The following PPP1R13B variants were observed in gnomAD, a reference collection of about 807,000 sequenced individuals.
The protein encoded by PPP1R13B is protein phosphatase 1 regulatory subunit 13B.
A neutral mutation model predicts 119.8 loss-of-function variants in PPP1R13B; 44 were observed. That is an observed-to-expected ratio of 0.37 (90% CI 0.29 to 0.47). PPP1R13B has a LOEUF of 0.47. PPP1R13B is among the 20% of genes least tolerant of loss of function. The probability of loss-of-function intolerance (pLI) is 0.99; values close to 1 mark genes in which losing one functional copy is unlikely to be tolerated. For synonymous variants in PPP1R13B, 542 were observed against 561.5 expected (o/e 0.97, Z 0.49); for missense variants, 1,227 against 1,413.5 (o/e 0.87, Z 2.12).
chr14:103,743,599 C>G (rs1006597045), intron 9 of PPP1R13B, among the ~76,000 whole-genome samples: 1 of 152,198 alleles, frequency 6.6e-6, no homozygotes, highest in Non-Finnish European at 1.5e-5. Context: ...CTAAAGTGTT[C>G]AACGCTTCCA....
At chr14:103,814,800 C>G (rs1289011030) in intron 1 of PPP1R13B, among the ~76,000 whole-genome samples, 2 of 151,960 alleles carry the variant, frequency 1.3e-5, no homozygotes, top group Non-Finnish European at 2.9e-5. Context: ...AAAAAATTAG[C>G]CGGGCATGGT....
At position 103,746,475 on chromosome 14, in the gene PPP1R13B, T is replaced by C. The variant is rs371901884; in HGVS notation, c.1048A>G (p.Ile350Val). The change falls in exon 9 of 17, where the codon ATC (isoleucine) becomes GTC (valine). Residue 350 changes from isoleucine (I) to valine (V), a missense_variant. Transcript: ENST00000202556. ...SGRVAAVGPY[I>V]QVPSAGSFPV... is the part of the protein sequence containing the mutation. Reference sequence around the variant, plus strand: ...AAGCTTCCGGCACTGGGAACCTGGATATAAGGCCCCACAGCAGCGACCCTG... The same window carrying C: ...AAGCTTCCGGCACTGGGAACCTGGACATAAGGCCCCACAGCAGCGACCCTG... The C allele has an allele frequency of 5.6e-6, 9 of 1,614,044 alleles. No individual in the cohort carries two copies. Among genetic ancestry groups the C allele is most frequent in the Non-Finnish European group, 7.6e-6 (9 of 1,179,936 alleles).
chr14:103,832,707 C>T (rs1195962853), intron 1 of PPP1R13B, among the ~76,000 whole-genome samples: 2 of 152,274 alleles, frequency 1.3e-5, no homozygotes, highest in East Asian at 3.9e-4. Context: ...GCCTATAATC[C>T]CAGCATCCCA....
At chr14:103,807,411 C>T (rs190670555) in intron 1 of PPP1R13B, among the ~76,000 whole-genome samples, 2 of 152,354 alleles carry the variant, frequency 1.3e-5, no homozygotes, top group East Asian at 3.9e-4. Flanking sequence ...AGCAGAGTTT[C>T]AGTTAATTAC....
chr14:103,747,654 C>T (rs2084420387), intron 8 of PPP1R13B, among the ~76,000 whole-genome samples: 1 of 152,094 alleles, frequency 6.6e-6, no homozygotes, highest in Admixed American at 6.6e-5. Flanking sequence ...TCTTTTATCC[C>T]TCACTCCCTT....
In PPP1R13B at chr14:103,753,151, T is replaced by C; in HGVS notation, c.677A>G (p.Gln226Arg). ...RFSAMFQEKKQEVQTAILRVD... is the reference protein window; with the variant it reads ...RFSAMFQEKKREVQTAILRVD... The stretch of plus-strand genomic sequence containing the variant: ...CCTTAAAATTGCAGTCTGTACTTCC[T>C]GCTTCTTTTCCTGGAACATGGCACT... The change falls in exon 7 of 17, where the codon CAG becomes CGG. Residue 226 changes from glutamine to arginine, a missense_variant. Coordinates refer to ENST00000202556, the MANE Select transcript of PPP1R13B (RefSeq NM_015316.3). 2 of 1,613,378 alleles carry C rather than the reference T, an allele frequency of 1.2e-6. No homozygotes were observed. Among genetic ancestry groups the C allele is most frequent in the Non-Finnish European group, 1.7e-6 (2 of 1,180,040 alleles).
chr14:103,803,621 C>T (rs957953830), intron 1 of PPP1R13B, among the ~76,000 whole-genome samples: 2 of 151,964 alleles, frequency 1.3e-5, no homozygotes, highest in Non-Finnish European at 2.9e-5. Context: ...CCAGCCTGGG[C>T]AACAGAGCGA....
intron 2 of PPP1R13B, among the ~76,000 whole-genome samples, chr14:103,796,056 C>T (rs1303991589): frequency 6.6e-6 from 1 of 152,102 alleles, no homozygotes; most frequent in Non-Finnish European, 1.5e-5. Context: ...CTTTGGGAGG[C>T]CCAGGCAGGT....
chr14:103,741,643 C>T (rs2084260250), intron 11 of PPP1R13B, 147 bp downstream of exon 11: 14 of 1,071,458 alleles, frequency 1.3e-5, no homozygotes, highest in Admixed American at 5.4e-5. Context: ...CCTTCTCACA[C>T]TGACACCCAA....
chr14:103,749,747 G>T, intron 8 of PPP1R13B, 47 bp downstream of exon 8: 2 of 1,586,054 alleles, frequency 1.3e-6, no homozygotes, highest in South Asian at 1.1e-5. Flanking sequence ...GCAATGCTTG[G>T]ATAAACTATC....
At chr14:103,831,919 G>C (rs1211724659) in intron 1 of PPP1R13B, among the ~76,000 whole-genome samples, 1 of 151,718 alleles carries the variant, frequency 6.6e-6, no homozygotes, top group Non-Finnish European at 1.5e-5. Context: ...CTGGGTGACA[G>C]AGCAAGAATC....
At position 103,740,093 on chromosome 14, in the gene PPP1R13B, C is replaced by T. The variant is rs1166172863; in HGVS notation, c.2323G>A (p.Ala775Thr). 2.5e-6 allele frequency: 4 copies of T among 1,613,642 alleles called. No individual in the cohort carries two copies. In the East Asian group the frequency reaches 6.7e-5, roughly 27 times the overall value. ...GCGGGGAGTGGGGCTGTGGGCTGGG[C>T]AGGGGGGAGCTCTTCCAGGTTTCCA... ...ANGNLEELPP[A>T]QPTAPLPAEP... Residue 775 changes from alanine (A) to threonine (T), a missense_variant, in exon 12 of 17, where the codon GCC becomes ACC. Physicochemically the swap from Ala to Thr is moderately conservative, Grantham distance 58 (BLOSUM62 0). Coordinates refer to ENST00000202556, the MANE Select transcript of PPP1R13B (RefSeq NM_015316.3). The surrounding 1 kb of genome is among the most constrained non-coding windows in gnomAD (Gnocchi z 4.6).
At chr14:103,762,483 G>C (rs1038988600) in intron 4 of PPP1R13B, among the ~76,000 whole-genome samples, 1 of 150,838 alleles carries the variant, frequency 6.6e-6, no homozygotes, top group African/African-American at 2.4e-5. Context: ...AGCATTAGGA[G>C]ATACACCTAA....
chr14:103,839,317 T>C (rs1293512881), intron 1 of PPP1R13B, among the ~76,000 whole-genome samples: 1 of 151,908 alleles, frequency 6.6e-6, no homozygotes, highest in Non-Finnish European at 1.5e-5. Flanking sequence ...CAGCCCACTG[T>C]GTTTCATTTC....
chr14:103,769,622 C>T (rs932129352), intron 4 of PPP1R13B, among the ~76,000 whole-genome samples: 1 of 152,208 alleles, frequency 6.6e-6, no homozygotes, highest in Non-Finnish European at 1.5e-5. Flanking sequence ...TAATGCAAAA[C>T]TCTAGCAAAA....
intron 1 of PPP1R13B, among the ~76,000 whole-genome samples, chr14:103,842,673 T>A (rs2086937411): frequency 6.6e-6 from 1 of 151,806 alleles, no homozygotes; most frequent in South Asian, 2.1e-4. Flanking sequence ...CGATACTCTT[T>A]TGGAAAAGAA....
chr14:103,805,531 A>G (rs1384422184), intron 1 of PPP1R13B, among the ~76,000 whole-genome samples: 2 of 152,010 alleles, frequency 1.3e-5, no homozygotes, highest in Non-Finnish European at 2.9e-5. Flanking sequence ...TGATCATGCC[A>G]CTGCACTCCA....
At chr14:103,846,670 C>G in intron 1 of PPP1R13B, 1 of 450,382 alleles carries the variant, frequency 2.2e-6, no homozygotes. Context: ...CAATGTCTTT[C>G]TAGGCGAAAG....
intron 1 of PPP1R13B, among the ~76,000 whole-genome samples, chr14:103,819,945 C>CTTGTTACTTGTAGTAG (rs2086367688): frequency 6.6e-6 from 1 of 152,228 alleles, no homozygotes; most frequent in African/African-American, 2.4e-5. Context: ...CCCAGACCCA[C>CTTGTTACTTGTAGTAG]AGTTACTTGT....
Sources: allele counts gnomAD v4.1 joint callset (sites outside exome capture counted in the v4.1 genomes callset), GRCh38; gene constraint gnomAD v4.1.1; non-coding constraint Gnocchi (gnomAD v3.1); transcripts MANE v1.5; gene names NCBI Gene and HGNC (gene_info 2026-07-23, HGNC 2026-07-21).